The following TANC1 variants were observed in gnomAD, a reference collection of about 807,000 sequenced individuals.
TANC1 encodes protein TANC1.
Under a neutral mutation model 149.7 loss-of-function variants are expected in TANC1, and 77 were observed. The observed-to-expected ratio is 0.51, with a 90% CI of 0.43 to 0.62. The LOEUF is 0.62. Ranked by LOEUF, TANC1 falls within the 20% of genes least tolerant of loss-of-function variation. The pLI is 0.00. For synonymous variants in TANC1, 854 were observed against 925.0 expected, an observed-to-expected ratio of 0.92 and a Z score of 1.39; for missense variants, 1,985 against 2,321.8, an observed-to-expected ratio of 0.85 and a Z score of 2.98.
chr2:159,069,821 T>A (rs1053542414), intron 3 of TANC1, among the ~76,000 whole-genome samples: 1 of 143,480 alleles, frequency 7.0e-6, no homozygotes, highest in Admixed American at 7.5e-5. Flanking sequence ...CAGGCTGGAG[T>A]GCAGTGGCGT....
chr2:159,054,123 C>T (rs779530052), intron 2 of TANC1, among the ~76,000 whole-genome samples: 9 of 152,122 alleles, frequency 5.9e-5, no homozygotes, highest in Non-Finnish European at 1.3e-4. Flanking sequence ...CTCACCACTC[C>T]CTGGGGGCTG....
chr2:159,055,195 CAAAG>C (rs2041758370), intron 2 of TANC1, among the ~76,000 whole-genome samples: 1 of 152,322 alleles, frequency 6.6e-6, no homozygotes, highest in East Asian at 1.9e-4. Flanking sequence ...AAACCTTACA[CAAAG>C]AAAGACTCTA....
intron 19 of TANC1, among the ~76,000 whole-genome samples, chr2:159,217,025 C>T (rs1361637597): frequency 1.3e-5 from 2 of 152,164 alleles, no homozygotes; most frequent in Non-Finnish European, 2.9e-5. Flanking sequence ...TAGTTTAGGC[C>T]GGGCATGGTG....
At chr2:159,056,617 G>C in intron 2 of TANC1, 1 of 159,944 alleles carries the variant, frequency 6.3e-6, no homozygotes, top group Non-Finnish European at 1.4e-5. Context: ...GCCTGGCCAG[G>C]TTTCAGTTTT....
chr2:159,229,738 G>A lies in TANC1; in HGVS notation c.4312G>A (p.Asp1438Asn), dbSNP rs752768541. ...QQGPLPAPLN[D>N]SENEEDTPTP... ...GGGCCCGCTACCAGCTCCACTCAAC[G>A]ACTCCGAGAACGAAGAGGACACCCC... is the stretch of plus-strand genomic sequence containing the variant. Residue 1438 changes from aspartate to asparagine, a missense_variant, in exon 27 of 27, where the codon GAC becomes AAC. Physicochemically the swap from Asp to Asn is conservative, Grantham distance 23. Transcript: ENST00000263635. 2.4e-5 allele frequency: 38 copies of A among 1,613,678 alleles called. No individual in the cohort carries two copies. The highest frequency in any genetic ancestry group is 3.3e-5 in the South Asian group (3 of 91,032).
chr2:159,165,455 T>C (rs1208968874), intron 8 of TANC1, among the ~76,000 whole-genome samples: 1 of 152,230 alleles, frequency 6.6e-6, no homozygotes, highest in Non-Finnish European at 1.5e-5. Context: ...TGAAAGGACG[T>C]GAGCAAAGGC....
intron 4 of TANC1, among the ~76,000 whole-genome samples, chr2:159,123,540 CCTTA>C (rs1270021922): frequency 2.0e-5 from 3 of 152,148 alleles, no homozygotes; most frequent in East Asian, 1.9e-4. Flanking sequence ...ACATTCCTCC[CCTTA>C]CTTCTGAATC....
chr2:159,164,273 T>TA (rs1286812011), intron 8 of TANC1, among the ~76,000 whole-genome samples: 2 of 152,138 alleles, frequency 1.3e-5, no homozygotes, highest in Non-Finnish European at 2.9e-5. Context: ...AAAAAATCGA[T>TA]AAAAAATAAT....
intron 2 of TANC1, 149 bp from the exon 3 acceptor site, chr2:159,065,747 T>G (rs2149692828): frequency 1.7e-6 from 1 of 573,174 alleles, no homozygotes; most frequent in African/African-American, 1.9e-5. Flanking sequence ...CACCATAGTT[T>G]ATTCAAAGAA....
intron 19 of TANC1, among the ~76,000 whole-genome samples, chr2:159,202,091 T>C (rs771195042): frequency 2.4e-4 from 37 of 152,214 alleles, no homozygotes; most frequent in Non-Finnish European, 4.8e-4. Flanking sequence ...TGCCTGTTGC[T>C]GATTGGAAGC....
Position 159,062,991 on chromosome 2 carries a change from AAAAAG to A in TANC1, c.-15-2901_-15-2897del, listed in dbSNP as rs1224419572. Among the ~76,000 whole-genome samples, 7 of 147,196 alleles carry A rather than the reference AAAAAG, an allele frequency of 4.8e-5. No individual in the cohort carries two copies. In the East Asian group the frequency reaches 1.4e-3, roughly 29 times the overall value. On this transcript the variant is annotated intron_variant, in intron 2 of 26. Transcript: ENST00000263635. ...TCCGTCTCAAAAAAAAAAAAAAAAAAAAAAGAAAGCAAAGCTCATGAGAGCTTTTG... is the reference window on the plus strand; with the variant it reads ...TCCGTCTCAAAAAAAAAAAAAAAAAAAAAGCAAAGCTCATGAGAGCTTTTG...
At chr2:159,126,695 A>T (rs34324915) in intron 4 of TANC1, among the ~76,000 whole-genome samples, 36,254 of 152,190 alleles carry the variant, frequency 0.24, 5,702 homozygotes, top group Non-Finnish European at 0.36. Context: ...CTTCCAGATT[A>T]AGACAATTCA....
In TANC1 at chr2:159,170,528, A is replaced by G. The variant is rs774156884; in HGVS notation, c.1074A>G (p.Arg358=). 11 of 1,586,254 alleles carry G rather than the reference A, an allele frequency of 6.9e-6. No individual in the cohort carries two copies. In the South Asian group the frequency reaches 1.3e-4, roughly 18 times the overall value. The change falls in exon 10 of 27, where the codon CGA becomes CGG. Residue 358 remains arginine, a synonymous_variant. Transcript: ENST00000263635. ...TTTTTTTTTCTTCTTTTGAAGCACG[A>G]TTTGCTCCCTACAAGCCACAAGACA... ...AGGRAQEVKA[R]FAPYKPQDIL...
intron 3 of TANC1, among the ~76,000 whole-genome samples, chr2:159,068,349 A>G (rs1281530144): frequency 2.0e-5 from 3 of 152,228 alleles, no homozygotes; most frequent in Admixed American, 2.0e-4. Context: ...TACTGTTTCC[A>G]ATTAAAACCA....
chr2:159,160,811 C>G (rs945836113), intron 7 of TANC1, among the ~76,000 whole-genome samples: 1 of 152,194 alleles, frequency 6.6e-6, no homozygotes, highest in African/African-American at 2.4e-5. Context: ...TCTTCTTCCT[C>G]ACTAGTCTCC....
chr2:159,109,020 C>G (rs1307369984), intron 4 of TANC1, among the ~76,000 whole-genome samples: 1 of 152,178 alleles, frequency 6.6e-6, no homozygotes, highest in African/African-American at 2.4e-5. Flanking sequence ...ATGTGATTTT[C>G]TTGTTACTTC....
chr2:159,072,011 G>A (rs548119487), intron 3 of TANC1, among the ~76,000 whole-genome samples: 2 of 152,136 alleles, frequency 1.3e-5, no homozygotes, highest in East Asian at 3.9e-4. Context: ...ATGAAGTCTC[G>A]GCTCTGTTGC....
chr2:159,018,557 C>G (rs929572296), intron 2 of TANC1, among the ~76,000 whole-genome samples: 19 of 152,176 alleles, frequency 1.2e-4, no homozygotes, highest in African/African-American at 4.6e-4. Flanking sequence ...TAAGTACATT[C>G]ACATTGTTGT....
intron 14 of TANC1, among the ~76,000 whole-genome samples, chr2:159,180,646 A>G (rs1463235643): frequency 6.6e-6 from 1 of 152,094 alleles, no homozygotes; most frequent in African/African-American, 2.4e-5. Flanking sequence ...GGAAGCACCC[A>G]CTCCTGGGTG....
Sources: allele counts gnomAD v4.1 joint callset (sites outside exome capture counted in the v4.1 genomes callset), GRCh38; gene constraint gnomAD v4.1.1; transcripts MANE v1.5; gene names NCBI Gene and HGNC (gene_info 2026-07-23, HGNC 2026-07-21).